CSGALNACT1: variants seen among roughly 807,000 people sequenced by gnomAD.
CSGALNACT1 encodes the protein chondroitin sulfate N-acetylgalactosaminyltransferase 1.
A neutral mutation model predicts 51.0 loss-of-function variants in CSGALNACT1; 52 were observed. The observed-to-expected ratio is 1.02, with a 90% CI of 0.82 to 1.29. The LOEUF (loss-of-function observed/expected upper bound fraction) is 1.29, where lower values mean the gene tolerates loss of function less well. Ranked by LOEUF, CSGALNACT1 falls within the 50% of genes most tolerant of loss-of-function variation. CSGALNACT1 has a pLI of 0.00. For synonymous variants in CSGALNACT1, 341 were observed against 254.4 expected (o/e 1.34, Z -3.24); for missense variants, 935 against 679.2 (o/e 1.38, Z -4.19).
At chr8:19,514,713 G>A (rs1259079545) in intron 3 of CSGALNACT1, among the ~76,000 whole-genome samples, 2 of 149,650 alleles carry the variant, frequency 1.3e-5, no homozygotes, top group Non-Finnish European at 3.0e-5. Flanking sequence ...CATGCCTGTA[G>A]TCCCAGCTGC....
intron 1 of CSGALNACT1, among the ~76,000 whole-genome samples, chr8:19,645,253 G>C (rs1435106682): frequency 6.6e-6 from 1 of 152,226 alleles, no homozygotes; most frequent in Admixed American, 6.5e-5. Flanking sequence ...GGAAAAATGA[G>C]TAACTTTAGG....
At chr8:19,609,456 GT>G (rs1171110123) in intron 1 of CSGALNACT1, among the ~76,000 whole-genome samples, 1 of 151,136 alleles carries the variant, frequency 6.6e-6, no homozygotes, top group Non-Finnish European at 1.5e-5. Flanking sequence ...CCATAGCCAG[GT>G]AAGCAAGACA....
intron 4 of CSGALNACT1, among the ~76,000 whole-genome samples, chr8:19,487,840 T>G (rs892748519): frequency 2.6e-5 from 4 of 152,096 alleles, no homozygotes; most frequent in Non-Finnish European, 5.9e-5. Context: ...GCTTGGGGGT[T>G]TAGAATGGAA....
At chr8:19,552,890 G>C (rs778558572) in intron 3 of CSGALNACT1, among the ~76,000 whole-genome samples, 1 of 152,120 alleles carries the variant, frequency 6.6e-6, no homozygotes. Context: ...AACGTACTAA[G>C]AACAGGAGAG....
intron 1 of CSGALNACT1, among the ~76,000 whole-genome samples, chr8:19,705,207 T>A (rs181968274): frequency 2.2e-4 from 33 of 152,252 alleles, no homozygotes; most frequent in Admixed American, 5.9e-4. Context: ...TATACTTCAA[T>A]AAACTTGGGG....
intron 3 of CSGALNACT1, among the ~76,000 whole-genome samples, chr8:19,507,846 C>G (rs891756935): frequency 1.3e-5 from 2 of 152,190 alleles, no homozygotes; most frequent in African/African-American, 2.4e-5. Flanking sequence ...CCAGGATGGT[C>G]TCTATCTCCT....
At chr8:19,521,653 G>A (rs894725614) in intron 3 of CSGALNACT1, among the ~76,000 whole-genome samples, 1 of 152,050 alleles carries the variant, frequency 6.6e-6, no homozygotes, top group Non-Finnish European at 1.5e-5. Context: ...ACTAGACTCC[G>A]TCTCCAAAAA....
chr8:19,501,983 G>C (rs1333659178), intron 4 of CSGALNACT1, among the ~76,000 whole-genome samples: 2 of 152,190 alleles, frequency 1.3e-5, no homozygotes, highest in South Asian at 2.1e-4. Context: ...AGGGAAAAGA[G>C]AGACAAAAAA....
At chr8:19,406,159 A>T in intron 9 of CSGALNACT1, 90 bp from the exon 9 acceptor site, 2 of 1,451,572 alleles carry the variant, frequency 1.4e-6, no homozygotes, top group Non-Finnish European at 1.9e-6. Flanking sequence ...TCATTAAGAC[A>T]TGACTGGGGG....
chr8:19,573,156 G>A (rs978321155), intron 3 of CSGALNACT1, among the ~76,000 whole-genome samples: 6 of 152,190 alleles, frequency 3.9e-5, no homozygotes, highest in Admixed American at 1.3e-4. Context: ...ACATGAAAAA[G>A]ATTAAGTCAG....
intron 4 of CSGALNACT1, among the ~76,000 whole-genome samples, chr8:19,486,343 C>T (rs1222212444): frequency 6.6e-6 from 1 of 152,098 alleles, no homozygotes; most frequent in Non-Finnish European, 1.5e-5. Flanking sequence ...TCTGCCCTAC[C>T]TCCCCAAGTC....
chr8:19,755,456 C>CAAAAAAAAAAAAATAAAAAAAAAA, intron 1 of CSGALNACT1, among the ~76,000 whole-genome samples: 1 of 74,532 alleles, frequency 1.3e-5, no homozygotes, highest in Non-Finnish European at 2.5e-5. Flanking sequence ...TAAAGAAAGA[C>CAAAAAAAAAAAAATAAAAAAAAAA]AAAAAAAAAA....
At chr8:19,429,834 A>C in intron 6 of CSGALNACT1, among the ~76,000 whole-genome samples, 1 of 152,228 alleles carries the variant, frequency 6.6e-6, no homozygotes, top group East Asian at 1.9e-4. Context: ...ACCATTTTTC[A>C]TTCCCAAGAG....
chr8:19,537,507 C>T (rs1473920491), intron 3 of CSGALNACT1, among the ~76,000 whole-genome samples: 2 of 152,194 alleles, frequency 1.3e-5, no homozygotes, highest in Admixed American at 6.5e-5. Context: ...CATTTGACCA[C>T]CCCACTCAGC....
chr8:19,676,580 G>A lies in CSGALNACT1; in HGVS notation c.-544+5893C>T, dbSNP rs1241830544. Among the ~76,000 whole-genome samples the A allele has an allele frequency of 5.3e-5, 8 of 152,306 alleles. No individual in the cohort carries two copies. In the South Asian group the frequency reaches 1.7e-3, roughly 32 times the overall value. ...ATTCAGCCTCAGTAACTTGTGGAAT[G>A]ATACCAAAAGATGTAATACATGCTG... On this transcript the variant is annotated intron_variant, in intron 1 of 9. Coordinates refer to the CSGALNACT1 transcript ENST00000332246.
At chr8:19,517,876 C>T (rs1456819813) in intron 3 of CSGALNACT1, among the ~76,000 whole-genome samples, 1 of 152,150 alleles carries the variant, frequency 6.6e-6, no homozygotes, top group African/African-American at 2.4e-5. Flanking sequence ...CACAGCCAAA[C>T]CATATCACAC....
chr8:19,521,995 A>C (rs2080821468), intron 3 of CSGALNACT1, among the ~76,000 whole-genome samples: 1 of 152,172 alleles, frequency 6.6e-6, no homozygotes, highest in Non-Finnish European at 1.5e-5. Flanking sequence ...CTAGCAGTCA[A>C]TGCAGTGGTT....
chr8:19,618,787 T>C (rs1260123006), intron 1 of CSGALNACT1, among the ~76,000 whole-genome samples: 1 of 152,096 alleles, frequency 6.6e-6, no homozygotes, highest in Admixed American at 6.6e-5. Context: ...GGGCTAGCAC[T>C]TTCTCCAGGC....
chr8:19,485,276 T>C (rs2072592635), intron 4 of CSGALNACT1, among the ~76,000 whole-genome samples: 1 of 152,116 alleles, frequency 6.6e-6, no homozygotes, highest in African/African-American at 2.4e-5. Context: ...TACTAAGTCA[T>C]CCCCGACTCT....
Sources: gnomAD v4.1 joint callset for allele counts (sites outside exome capture counted in the v4.1 genomes callset) on GRCh38, gnomAD v4.1.1 for gene constraint, MANE v1.5 for transcripts, NCBI Gene and HGNC (gene_info 2026-07-23, HGNC 2026-07-21) for gene names.